ANO10: variants seen among roughly 807,000 people sequenced by gnomAD.
ANO10 encodes anoctamin-10.
In ANO10, 77 loss-of-function variants were observed where a neutral mutation model predicts 74.7. The ratio of observed to expected loss-of-function variants is 1.03; its 90% CI spans 0.86 to 1.25. The LOEUF (loss-of-function observed/expected upper bound fraction) is 1.25. Ranked by LOEUF, ANO10 falls within the 50% of genes most tolerant of loss-of-function variation. The probability of loss-of-function intolerance (pLI) is 0.00; values close to 1 mark genes in which losing one functional copy is unlikely to be tolerated. For missense variants in ANO10, 721 were observed against 778.1 expected (o/e 0.93, Z 0.87); for synonymous variants, 279 against 284.9 (o/e 0.98, Z 0.21).
chr3:43,638,549 T>C (rs2083636709), intron 1 of ANO10: 1 of 152,222 alleles, frequency 6.6e-6, no homozygotes, highest in African/African-American at 2.4e-5. Flanking sequence ...AAATGAAATG[T>C]TTAGTAAGTA....
intron 3 of ANO10, among the ~76,000 whole-genome samples, chr3:43,599,138 T>G (rs939084686): frequency 6.6e-6 from 1 of 152,226 alleles, no homozygotes; most frequent in Non-Finnish European, 1.5e-5. Context: ...AAGAAAGTCT[T>G]TTAAGAAAAT....
intron 12 of ANO10, among the ~76,000 whole-genome samples, chr3:43,378,577 T>C (rs1441605746): frequency 6.6e-6 from 1 of 152,238 alleles, no homozygotes; most frequent in Non-Finnish European, 1.5e-5. Context: ...ATATTACTAT[T>C]ATGAGTAAAA....
chr3:43,432,874 G>C, intron 11 of ANO10, 147 bp from the exon 12 acceptor site: 1 of 617,390 alleles, frequency 1.6e-6, no homozygotes, highest in South Asian at 1.6e-5. Context: ...AGACCAAGCA[G>C]GCCCATGAGT....
At chr3:43,517,375 G>T (rs1013567550) in intron 11 of ANO10, among the ~76,000 whole-genome samples, 4 of 152,224 alleles carry the variant, frequency 2.6e-5, no homozygotes, top group African/African-American at 9.6e-5. Context: ...TGGTCCTACT[G>T]TCCTATGGAC....
At chr3:43,423,152 G>A (rs1176294657) in intron 12 of ANO10, among the ~76,000 whole-genome samples, 1 of 151,404 alleles carries the variant, frequency 6.6e-6, no homozygotes, top group East Asian at 1.9e-4. Flanking sequence ...CTTTATCAAG[G>A]CAAGGTATGT....
chr3:43,416,054 T>C (rs2092734155), intron 12 of ANO10, among the ~76,000 whole-genome samples: 1 of 152,080 alleles, frequency 6.6e-6, no homozygotes, highest in African/African-American at 2.4e-5. Flanking sequence ...GGATTTATTC[T>C]ATCTCTAATC....
intron 12 of ANO10, among the ~76,000 whole-genome samples, chr3:43,386,507 G>A (rs1400757093): frequency 1.3e-5 from 2 of 152,104 alleles, no homozygotes; most frequent in African/African-American, 4.8e-5. Flanking sequence ...TCAAAATAGA[G>A]AAAAAGGGGA....
intron 7 of ANO10, among the ~76,000 whole-genome samples, chr3:43,568,620 A>G (rs1232052509): frequency 6.7e-6 from 1 of 149,580 alleles, no homozygotes; most frequent in Non-Finnish European, 1.5e-5. Flanking sequence ...AGAAATAAAG[A>G]TGTTCTTTGA....
chr3:43,476,008 CTTTA>C (rs2076052959), intron 11 of ANO10, among the ~76,000 whole-genome samples: 2 of 151,998 alleles, frequency 1.3e-5, no homozygotes, highest in Admixed American at 1.3e-4. Context: ...GTTATTGTGG[CTTTA>C]TTTTCTTCAA....
intron 1 of ANO10, among the ~76,000 whole-genome samples, chr3:43,639,797 A>G (rs150382235): frequency 2.8e-3 from 429 of 152,230 alleles, no homozygotes; most frequent in African/African-American, 9.8e-3. Flanking sequence ...AAAAGAAAGA[A>G]AGAAAAAGAA....
At chr3:43,401,614 G>C (rs1008273028) in intron 12 of ANO10, among the ~76,000 whole-genome samples, 1 of 152,128 alleles carries the variant, frequency 6.6e-6, no homozygotes, top group Admixed American at 6.5e-5. Context: ...ATATCCCAAA[G>C]TATTTTCAAG....
chr3:43,647,153 A>ATG (rs57290936), intron 1 of ANO10, among the ~76,000 whole-genome samples: 29,288 of 141,608 alleles, frequency 0.21, 2,885 homozygotes, highest in Middle Eastern at 0.26. Context: ...ATGTGTATAT[A>ATG]TGTGTGTGTG....
intron 11 of ANO10, among the ~76,000 whole-genome samples, chr3:43,500,606 T>C (rs1559619019): frequency 6.6e-6 from 1 of 152,190 alleles, no homozygotes; most frequent in African/African-American, 2.4e-5. Flanking sequence ...CTCAGTGAAA[T>C]GTGGTGGTAT....
intron 1 of ANO10, among the ~76,000 whole-genome samples, chr3:43,638,381 T>C (rs2083634954): frequency 6.6e-6 from 1 of 152,146 alleles, no homozygotes; most frequent in African/African-American, 2.4e-5. Flanking sequence ...AATTGGAAAT[T>C]TTGTATTATA....
At chr3:43,614,118 A>C (rs2082968495) in intron 1 of ANO10, among the ~76,000 whole-genome samples, 1 of 152,248 alleles carries the variant, frequency 6.6e-6, no homozygotes, top group Admixed American at 6.5e-5. Flanking sequence ...AGTGTTCCGC[A>C]GAGTATCTGG....
chr3:43,435,913 A>C lies in ANO10; in HGVS notation c.1798-3186T>G, dbSNP rs546325374. On this transcript the variant is annotated intron_variant, in intron 11 of 12. Coordinates refer to ENST00000292246, the MANE Select transcript of ANO10 (RefSeq NM_018075.5). ...TGGGAAGACAACACAGCAGAGATAGAATCAGCTTCAACAGCAGGGGACCTG... is the reference window on the plus strand; with the variant it reads ...TGGGAAGACAACACAGCAGAGATAGCATCAGCTTCAACAGCAGGGGACCTG... Among the ~76,000 whole-genome samples the C allele has an allele frequency of 2.6e-5, 4 of 152,322 alleles. No homozygotes were observed. The East Asian group carries it at 7.7e-4, about 29-fold the overall frequency.
intron 1 of ANO10, among the ~76,000 whole-genome samples, chr3:43,619,079 C>A (rs1393344898): frequency 6.6e-6 from 1 of 152,266 alleles, no homozygotes; most frequent in East Asian, 1.9e-4. Context: ...GCTGGGATTA[C>A]AGGCGTGAGC....
intron 9 of ANO10, among the ~76,000 whole-genome samples, chr3:43,557,138 T>A (rs2079789333): frequency 6.6e-6 from 1 of 152,006 alleles, no homozygotes; most frequent in African/African-American, 2.4e-5. Flanking sequence ...GATAATTTAT[T>A]CATTATAAAA....
chr3:43,396,037 CCTTT>C (rs2092372089), intron 12 of ANO10, among the ~76,000 whole-genome samples: 1 of 151,734 alleles, frequency 6.6e-6, no homozygotes, highest in African/African-American at 2.4e-5. Flanking sequence ...TTTACTTCTT[CCTTT>C]CTATTCTGAA....
Sources: gnomAD v4.1 joint callset for allele counts (sites outside exome capture counted in the v4.1 genomes callset) on GRCh38, gnomAD v4.1.1 for gene constraint, MANE v1.5 for transcripts, NCBI Gene and HGNC (gene_info 2026-07-23, HGNC 2026-07-21) for gene names.